Variants in CALN1 observed in about 807,000 individuals in gnomAD.
CALN1 encodes calcium-binding protein 8.
Under a neutral mutation model 30.6 loss-of-function variants are expected in CALN1, and 17 were observed. That is an observed-to-expected ratio of 0.56 (90% CI 0.38 to 0.83). CALN1 has a LOEUF of 0.83. Among genes scored for constraint, CALN1 ranks in the 40% least tolerant of loss-of-function variants. CALN1 has a pLI of 0.00. For missense variants in CALN1, 291 were observed against 354.9 expected, an observed-to-expected ratio of 0.82 and a Z score of 1.45; for synonymous variants, 156 against 131.4, an observed-to-expected ratio of 1.19 and a Z score of -1.28.
chr7:72,073,076 A>T (rs369686813), intron 4 of CALN1, among the ~76,000 whole-genome samples: 117 of 152,332 alleles, frequency 7.7e-4, no homozygotes, highest in African/African-American at 2.7e-3. Flanking sequence ...TAAAAAAGGA[A>T]GGAAATTCTG....
At chr7:72,246,386 G>A (rs1175128203) in intron 3 of CALN1, among the ~76,000 whole-genome samples, 7 of 152,108 alleles carry the variant, frequency 4.6e-5, no homozygotes, top group African/African-American at 1.2e-4. Flanking sequence ...CGGGCTCTGC[G>A]GTCTAAGGGA....
chr7:72,104,951 C>T (rs780757193), intron 4 of CALN1, among the ~76,000 whole-genome samples: 66 of 151,118 alleles, frequency 4.4e-4, no homozygotes, highest in Non-Finnish European at 1.3e-4. Context: ...AGAGAGACTC[C>T]GTCTCTAAAA....
intron 2 of CALN1, among the ~76,000 whole-genome samples, chr7:72,398,665 A>G (rs1422726024): frequency 1.3e-5 from 2 of 152,294 alleles, no homozygotes; most frequent in East Asian, 1.9e-4. Context: ...AGAGCTCCCA[A>G]TCTCATAGTC....
chr7:72,142,560 C>T (rs1330672879), intron 3 of CALN1, among the ~76,000 whole-genome samples: 1 of 152,208 alleles, frequency 6.6e-6, no homozygotes, highest in Non-Finnish European at 1.5e-5. Flanking sequence ...CAGGGCATAG[C>T]CGAACAAAAC....
At chr7:72,274,317 G>A (rs1464635510) in intron 3 of CALN1, among the ~76,000 whole-genome samples, 1 of 152,028 alleles carries the variant, frequency 6.6e-6, no homozygotes, top group Non-Finnish European at 1.5e-5. Flanking sequence ...ATACCAGCCT[G>A]GCCAACATGG....
At chr7:71,928,014 C>T (rs1795355606) in intron 5 of CALN1, among the ~76,000 whole-genome samples, 1 of 152,156 alleles carries the variant, frequency 6.6e-6, no homozygotes, top group South Asian at 2.1e-4. Flanking sequence ...GGTTTGCTCC[C>T]CTTCTCCAGC....
chr7:72,172,475 TAAGAA>T (rs140787906), intron 3 of CALN1, among the ~76,000 whole-genome samples: 8 of 152,226 alleles, frequency 5.3e-5, no homozygotes, highest in African/African-American at 1.9e-4. Context: ...AAAACAATGA[TAAGAA>T]AAGAAAACTC....
At chr7:72,170,579 A>G (rs1788866837) in intron 3 of CALN1, among the ~76,000 whole-genome samples, 1 of 152,210 alleles carries the variant, frequency 6.6e-6, no homozygotes, top group Admixed American at 6.5e-5. Context: ...ACCTTCCTCC[A>G]GAGAACAGAG....
At chr7:72,076,520 C>T (rs1804737692) in intron 4 of CALN1, among the ~76,000 whole-genome samples, 1 of 142,802 alleles carries the variant, frequency 7.0e-6, no homozygotes, top group Non-Finnish European at 1.5e-5. Flanking sequence ...ATCGCTTGAA[C>T]CCGAGAGGCG....
chr7:72,441,560 T>C (rs554343751), intron 1 of CALN1, among the ~76,000 whole-genome samples: 2 of 135,710 alleles, frequency 1.5e-5, no homozygotes, highest in African/African-American at 5.8e-5. Context: ...ATTGCACCAT[T>C]GCACTCCAGC....
At chr7:72,349,950 T>C (rs1440737698) in intron 2 of CALN1, among the ~76,000 whole-genome samples, 2 of 152,214 alleles carry the variant, frequency 1.3e-5, no homozygotes, top group African/African-American at 4.8e-5. Flanking sequence ...TAGGTCCCAT[T>C]TGTCAATATT....
At chr7:72,240,249 C>G (rs555048826) in intron 3 of CALN1, among the ~76,000 whole-genome samples, 1 of 151,344 alleles carries the variant, frequency 6.6e-6, no homozygotes, top group Non-Finnish European at 1.5e-5. Flanking sequence ...AGCTGGAGCG[C>G]AGTAGAGTGA....
intron 5 of CALN1, among the ~76,000 whole-genome samples, chr7:71,906,679 T>A (rs1283959157): frequency 2.6e-5 from 4 of 152,070 alleles, no homozygotes. Context: ...ACAACCAGAT[T>A]TTAAAAACCA....
rs943836651 is a variant in CALN1, at chr7:71,865,396, G to A, written c.502-54904C>T. ...GCATGGCCTTCCGCCATGACTGTAC[G>A]TTTCCTGGGGCCTCCCCAGAAGGTG... On this transcript the variant is annotated intron_variant, in intron 5 of 6. Transcript: ENST00000395275. Among the ~76,000 whole-genome samples, 10 of 152,196 alleles carry A rather than the reference G, an allele frequency of 6.6e-5. No individual in the cohort carries two copies. The East Asian group carries it at 9.6e-4, about 15-fold the overall frequency.
At chr7:71,857,201 G>A (rs890833567) in intron 5 of CALN1, among the ~76,000 whole-genome samples, 1 of 152,070 alleles carries the variant, frequency 6.6e-6, no homozygotes, top group South Asian at 2.1e-4. Flanking sequence ...TTAATACAAA[G>A]GACATGAGTT....
chr7:72,058,952 C>T (rs1803464098), intron 4 of CALN1, among the ~76,000 whole-genome samples: 1 of 152,100 alleles, frequency 6.6e-6, no homozygotes, highest in South Asian at 2.1e-4. Flanking sequence ...GACATGTTTC[C>T]GTTTCGTTGA....
intron 4 of CALN1, among the ~76,000 whole-genome samples, chr7:72,095,392 C>A (rs1333204431): frequency 6.6e-6 from 1 of 151,986 alleles, no homozygotes; most frequent in Admixed American, 6.6e-5. Flanking sequence ...TAAAACTTGC[C>A]ACAGTAAAGA....
chr7:72,393,892 G>C (rs1318960803), intron 2 of CALN1, among the ~76,000 whole-genome samples: 1 of 152,142 alleles, frequency 6.6e-6, no homozygotes, highest in East Asian at 1.9e-4. Flanking sequence ...TAGGATTACA[G>C]GCATGGGCCA....
chr7:71,923,060 C>G (rs1443212415), intron 5 of CALN1, among the ~76,000 whole-genome samples: 1 of 149,584 alleles, frequency 6.7e-6, no homozygotes, highest in East Asian at 1.9e-4. Context: ...GCCAGCACAT[C>G]CAAACAACCT....
Sources: gnomAD v4.1 joint callset for allele counts (sites outside exome capture counted in the v4.1 genomes callset) on GRCh38, gnomAD v4.1.1 for gene constraint, MANE v1.5 for transcripts, NCBI Gene and HGNC (gene_info 2026-07-23, HGNC 2026-07-21) for gene names.